MED16: variants seen among roughly 807,000 people sequenced by gnomAD.
MED16 encodes mediator of RNA polymerase II transcription subunit 16.
In MED16, 81 loss-of-function variants were observed where a neutral mutation model predicts 84.4. That is an observed-to-expected ratio of 0.96 (90% CI 0.80 to 1.15). MED16 has a LOEUF of 1.15. MED16 is among the 50% of genes most tolerant of loss of function. The pLI is 0.00. For synonymous variants in MED16, 897 were observed against 552.2 expected, an observed-to-expected ratio of 1.62 and a Z score of -8.76; for missense variants, 1,585 against 1,245.9, an observed-to-expected ratio of 1.27 and a Z score of -4.10.
At chr19:871,538 G>T (rs1472669997) in intron 12 of MED16, 5 of 1,578,254 alleles carry the variant, frequency 3.2e-6, no homozygotes, top group South Asian at 1.1e-5. Context: ...ACACTGGGAT[G>T]TAAGAATGAC....
intron 11 of MED16, chr19:872,903 G>A (rs1003384752): frequency 2.3e-5 from 23 of 1,012,160 alleles, no homozygotes; most frequent in East Asian, 2.1e-4. Context: ...GCCAAGGAAA[G>A]GCTTCTTACA....
At chr19:880,368 G>T (rs2036394859) in intron 7 of MED16, among the ~76,000 whole-genome samples, 1 of 152,210 alleles carries the variant, frequency 6.6e-6, no homozygotes, top group African/African-American at 2.4e-5. Flanking sequence ...TGGCCACACT[G>T]CTCCCAGCCC....
rs1195189189 is a variant in MED16 at position 889,656 on chromosome 19, C to T, written c.429G>A (p.Leu143=). 2 of 1,611,910 alleles carry T rather than the reference C, an allele frequency of 1.2e-6. No individual in the cohort carries two copies. The highest frequency in any genetic ancestry group is 2.2e-5 in the East Asian group (1 of 44,788). Residue 143 remains leucine (L), a synonymous_variant, in exon 4 of 16, where the codon CTG becomes CTA. Coordinates refer to ENST00000325464, the MANE Select transcript of MED16 (RefSeq NM_005481.3). The part of the protein sequence containing the change: ...ALSWLHNGVK[L]ALHVEKSGAS... ...CACTCACCTTCTCCACGTGCAGGGC[C>T]AGTTTCACACCATTGTGCAGCCAGG...
intron 12 of MED16, chr19:871,637 C>T (rs778334666): frequency 1.9e-6 from 3 of 1,592,550 alleles, no homozygotes; most frequent in Non-Finnish European, 2.5e-6. Context: ...AAAGCACCCA[C>T]ACAGAGCATG....
Position 875,313 on chromosome 19 carries a change from AGT to A in MED16, c.1700_1701del (p.His567LeufsTer6). The A allele has an allele frequency of 1.2e-6, 2 of 1,608,004 alleles. No homozygotes were observed. The highest frequency in any genetic ancestry group is 1.7e-6 in the Non-Finnish European group (2 of 1,177,912). ...GGGCTCTTGTCAGGCGTGTTGAGAA[AGT>A]GGGGGCGCAGCAGCGACTTCAGGGT... ...SSTLKSLLRP[H>X]FLNTPDKSPG... On this transcript the variant is annotated frameshift_variant, in exon 10 of 16. Transcript: ENST00000325464. LOFTEE classifies it high-confidence loss of function.
intron 6 of MED16, among the ~76,000 whole-genome samples, chr19:882,881 T>G (rs1555717515): frequency 6.6e-6 from 1 of 152,120 alleles, no homozygotes; most frequent in Non-Finnish European, 1.5e-5. Flanking sequence ...CAAACCCGTA[T>G]AGGGGTCCTG....
At position 868,250 on chromosome 19, in the gene MED16, C is replaced by T; in HGVS notation, c.2485G>A (p.Ala829Thr). The T allele has an allele frequency of 6.3e-7, 1 of 1,593,952 alleles. No homozygotes were observed. Among genetic ancestry groups the T allele is most frequent in the Non-Finnish European group, 8.5e-7 (1 of 1,171,206 alleles). ...WEQRWIKNCL[A>T]VEGRGPDACV... Reference sequence around the variant, plus strand: ...GCGTCCGGCCCACGGCCTTCAACAGCCCTGCAGGGCGGGCTGAGGTTAACC... The same window carrying T: ...GCGTCCGGCCCACGGCCTTCAACAGTCCTGCAGGGCGGGCTGAGGTTAACC... The change falls in exon 16 of 16, where the codon GCT becomes ACT. Residue 829 changes from alanine to threonine, a missense_variant and splice_region_variant. By Grantham distance (58) the Ala-to-Thr change is moderately conservative. Transcript: ENST00000325464.
chr19:874,220 TCTC>T (rs2036173919), intron 10 of MED16, among the ~76,000 whole-genome samples: 1 of 151,786 alleles, frequency 6.6e-6, no homozygotes, highest in Admixed American at 6.6e-5. Flanking sequence ...TTCACGCCAT[TCTC>T]CTGCCTCAGC....
Position 871,736 on chromosome 19 carries a change from C to T in MED16, c.2098+190G>A, listed in dbSNP as rs1297323796. The T allele has an allele frequency of 7.7e-5, 55 of 711,722 alleles. 3 individuals carry two copies. The highest frequency in any genetic ancestry group is 4.1e-4 in the South Asian group (26 of 62,824). The allele number at this position is 711,722 out of a possible 1,614,324, so 44.1% of individuals were successfully genotyped here. A position where few individuals can be genotyped will look rare whatever the true frequency, so the allele number is the denominator to read the frequency against. On this transcript the variant is annotated intron_variant, in intron 12 of 15. Transcript: ENST00000325464. ...CTTATGTTCTGGCGGGGGGCTCAGG[C>T]AGGACTTGTGTTTTGGTAGGGAGAG...
Position 871,953 on chromosome 19 carries a change from G to T in MED16, c.2071C>A (p.Arg691Ser). The T allele has an allele frequency of 1.9e-6, 3 of 1,603,962 alleles. No individual in the cohort carries two copies. Among genetic ancestry groups the T allele is most frequent in the Non-Finnish European group, 2.6e-6 (3 of 1,176,422 alleles). The change falls in exon 12 of 16, where the codon CGC becomes AGC. Residue 691 changes from arginine to serine, a missense_variant. Arg to Ser is a moderately radical substitution (Grantham distance 110, BLOSUM62 -1). Transcript: ENST00000325464. ...CAGATCCAGAGCTTGGTGAGCAGGC[G>T]GAAGAGCAGGGACATGCTGTCCTGG... ...DTQDSMSLLF[R>S]LLTKLWICCR...
chr19:892,855 G>A (rs1260637881), intron 1 of MED16: 1 of 143,466 alleles, frequency 7.0e-6, no homozygotes, highest in Non-Finnish European at 1.5e-5. Context: ...CCTCCCCCAG[G>A]TTTCCGCCGC....
At chr19:879,886 C>T in intron 8 of MED16, 51 bp downstream of exon 8, 2 of 1,298,828 alleles carry the variant, frequency 1.5e-6, no homozygotes, top group Non-Finnish European at 2.0e-6. Flanking sequence ...CTCGCCTTCC[C>T]CTGGTTGTCA....
At position 871,952 on chromosome 19, in the gene MED16, CG is replaced by C; in HGVS notation, c.2071del (p.Arg691AlafsTer126). 6.3e-7 allele frequency: 1 copy of C among 1,592,954 alleles called. No homozygotes were observed. Among genetic ancestry groups the C allele is most frequent in the Non-Finnish European group, 8.5e-7 (1 of 1,172,194 alleles). On this transcript the variant is annotated frameshift_variant, in exon 12 of 16. Transcript: ENST00000325464. LOFTEE classifies it high-confidence loss of function. ...GCAGATCCAGAGCTTGGTGAGCAGG[CG>C]GAAGAGCAGGGACATGCTGTCCTGG... The part of the protein sequence containing the change: ...DTQDSMSLLF[R>X]LLTKLWICCR...
At chr19:875,957 AAAC>A (rs1291615144) in intron 9 of MED16, among the ~76,000 whole-genome samples, 4 of 152,202 alleles carry the variant, frequency 2.6e-5, no homozygotes, top group Non-Finnish European at 2.9e-5. Flanking sequence ...CAAAAAATAG[AAAC>A]AACTAAAAAC....
At chr19:869,701 G>A (rs2036001309) in intron 13 of MED16, among the ~76,000 whole-genome samples, 1 of 152,190 alleles carries the variant, frequency 6.6e-6, no homozygotes, top group African/African-American at 2.4e-5. Flanking sequence ...CCGAGCCGGG[G>A]CCTTCCCCGG....
chr19:874,623 C>G (rs1270014733), intron 10 of MED16, among the ~76,000 whole-genome samples: 1 of 152,210 alleles, frequency 6.6e-6, no homozygotes, highest in African/African-American at 2.4e-5. Context: ...CTGGGAGCGT[C>G]TCAGCCCCCA....
chr19:884,054 T>C (rs986133699), intron 6 of MED16, among the ~76,000 whole-genome samples: 1 of 152,160 alleles, frequency 6.6e-6, no homozygotes, highest in Non-Finnish European at 1.5e-5. Context: ...CGGGGCCTCT[T>C]GACACGTGCT....
chr19:872,659 G>GT (rs926464904), intron 11 of MED16, among the ~76,000 whole-genome samples: 14 of 151,682 alleles, frequency 9.2e-5, no homozygotes, highest in Non-Finnish European at 1.8e-4. Context: ...CGGCGGGGGG[G>GT]TGGGGGCGAG....
Position 876,956 on chromosome 19 carries a change from C to CCTGCCACGGGGCCCCAA in MED16, c.1560+17_1560+18insTTGGGGCCCCGTGGCAG, listed in dbSNP as rs1281282592. On this transcript the variant is annotated intron_variant, in intron 9 of 15. Transcript: ENST00000325464. ...GGCCCCCACCTGCCACGGGGCCCCA[C>CCTGCCACGGGGCCCCAA]CTGCCACGGGCCCCCACCTGCTGCA... The CCTGCCACGGGGCCCCAA allele has an allele frequency of 2.5e-6, 4 of 1,602,790 alleles. No individual in the cohort carries two copies. The African/African-American group carries it at 5.4e-5, about 22-fold the overall frequency.
Sources: gnomAD v4.1 joint callset for allele counts (sites outside exome capture counted in the v4.1 genomes callset) on GRCh38, gnomAD v4.1.1 for gene constraint, MANE v1.5 for transcripts, NCBI Gene and HGNC (gene_info 2026-07-23, HGNC 2026-07-21) for gene names.